The following DHCR24 variants were observed in gnomAD, a reference collection of about 807,000 sequenced individuals.
DHCR24 encodes delta(24)-sterol reductase.
Under a neutral mutation model 61.2 loss-of-function variants are expected in DHCR24, and 28 were observed. The observed-to-expected ratio is 0.46, with a 90% CI of 0.34 to 0.63. The LOEUF is 0.63. DHCR24 is among the 20% of genes least tolerant of loss of function. DHCR24 has a pLI of 0.01. For missense variants in DHCR24, 538 were observed against 679.1 expected, an observed-to-expected ratio of 0.79 and a Z score of 2.31; for synonymous variants, 261 against 275.9, an observed-to-expected ratio of 0.95 and a Z score of 0.54.
intron 2 of DHCR24, among the ~76,000 whole-genome samples, chr1:54,879,777 C>T (rs961865902): frequency 1.3e-5 from 2 of 151,888 alleles, no homozygotes; most frequent in African/African-American, 2.4e-5. Context: ...TCAAAGCAGA[C>T]ATCAAAAGGG....
chr1:54,871,133 C>T (rs564004066), intron 5 of DHCR24, among the ~76,000 whole-genome samples: 2 of 152,344 alleles, frequency 1.3e-5, no homozygotes, highest in South Asian at 4.1e-4. Context: ...GAGACAAGCA[C>T]ATCCCAGGCA....
chr1:54,866,352 CT>C (rs796435589), intron 5 of DHCR24, among the ~76,000 whole-genome samples: 354 of 143,996 alleles, frequency 2.5e-3, no homozygotes, highest in African/African-American at 2.5e-3. Context: ...ATAGGACCAT[CT>C]TTTTTTTTTT....
At chr1:54,886,373 G>C (rs1222533264) in intron 1 of DHCR24, among the ~76,000 whole-genome samples, 6 of 152,192 alleles carry the variant, frequency 3.9e-5, no homozygotes, top group Non-Finnish European at 5.9e-5. Context: ...GCGTCTTGCT[G>C]TACAAAATAA....
chr1:54,879,489 TGAAA>T (rs1246796961), intron 2 of DHCR24, among the ~76,000 whole-genome samples: 1 of 151,642 alleles, frequency 6.6e-6, no homozygotes, highest in South Asian at 2.1e-4. Context: ...CCAACCAAAA[TGAAA>T]GAGAGGAAAA....
chr1:54,854,772 G>T (rs1014835261), intron 6 of DHCR24, among the ~76,000 whole-genome samples: 3 of 152,162 alleles, frequency 2.0e-5, no homozygotes, highest in African/African-American at 7.2e-5. Context: ...GAGCCCACTG[G>T]TTTGCAGCAT....
chr1:54,859,049 G>A (rs1646922178), intron 6 of DHCR24, among the ~76,000 whole-genome samples: 2 of 152,186 alleles, frequency 1.3e-5, no homozygotes, highest in South Asian at 4.1e-4. Flanking sequence ...GATCTAATAA[G>A]GAGAATATGG....
chr1:54,864,299 C>A (rs892330874), intron 6 of DHCR24, among the ~76,000 whole-genome samples: 1 of 152,136 alleles, frequency 6.6e-6, no homozygotes, highest in African/African-American at 2.4e-5. Context: ...TTGAAACAAC[C>A]CACATGTCCA....
At chr1:54,855,395 A>T (rs1265305125) in intron 6 of DHCR24, among the ~76,000 whole-genome samples, 2 of 22,980 alleles carry the variant, frequency 8.7e-5, no homozygotes, top group African/African-American at 1.8e-4. Context: ...CTCCGTCTCC[A>T]AAAAAAAAAA....
intron 1 of DHCR24, among the ~76,000 whole-genome samples, chr1:54,886,273 C>G (rs1171720088): frequency 6.6e-6 from 1 of 152,166 alleles, no homozygotes; most frequent in African/African-American, 2.4e-5. Flanking sequence ...GTGAGCCCTC[C>G]GTCAGCAGAG....
At chr1:54,862,827 A>G (rs1646945974) in intron 6 of DHCR24, among the ~76,000 whole-genome samples, 1 of 152,140 alleles carries the variant, frequency 6.6e-6, no homozygotes. Context: ...CTGTAATACC[A>G]GCACTTTGGG....
intron 8 of DHCR24, among the ~76,000 whole-genome samples, chr1:54,852,935 T>C (rs143113859): frequency 7.2e-5 from 11 of 152,224 alleles, no homozygotes; most frequent in South Asian, 2.1e-4. Flanking sequence ...GAATTTTATA[T>C]GAAAGGAATC....
chr1:54,886,799 C>T, intron 1 of DHCR24, 90 bp downstream of exon 1: 3 of 1,550,214 alleles, frequency 1.9e-6, no homozygotes, highest in South Asian at 2.4e-5. Flanking sequence ...GCCGCCCCCG[C>T]ACCGCAGCTC....
chr1:54,854,164 G>T lies in DHCR24; in HGVS notation c.1091C>A (p.Ser364Tyr), dbSNP rs752896995. 1 of 1,614,142 alleles carries T rather than the reference G, an allele frequency of 6.2e-7. No homozygotes were observed. Among genetic ancestry groups the T allele is most frequent in the Admixed American group, 1.7e-5 (1 of 60,020 alleles). ...CTCACCCTGGGTCAGCTTCAGGAGG[G>T]AGATCTTGGGAGGCACCATCCAGCC... is the stretch of plus-strand genomic sequence containing the variant. ...LFGWMVPPKI[S>Y]LLKLTQGETL... The change falls in exon 7 of 9, where the codon TCC becomes TAC. Residue 364 changes from serine to tyrosine, a missense_variant. Transcript: ENST00000371269.
intron 3 of DHCR24, 21 bp from the exon 4 acceptor site, chr1:54,875,232 G>C (rs765448616): frequency 3.2e-5 from 51 of 1,610,396 alleles, no homozygotes; most frequent in Non-Finnish European, 4.2e-5. Flanking sequence ...ATCACACACA[G>C]TGTCAGCAGG....
rs756200011 is a variant in DHCR24 at position 54,871,522 on chromosome 1, T to C, written c.704A>G (p.Lys235Arg). ...VAAEIRIIPA[K>R]KYVKLRFEPV... ...CTCGAAACGCAGCTTGACGTACTTC[T>C]TGGCAGGGATGATGCGGATCTCAGC... The change falls in exon 5 of 9, where the codon AAG (lysine) becomes AGG (arginine). Residue 235 changes from lysine (K) to arginine (R), a missense_variant. Lys to Arg is a conservative substitution (Grantham distance 26, BLOSUM62 2). Transcript: ENST00000371269. 1.2e-6 allele frequency: 2 copies of C among 1,614,126 alleles called. No homozygotes were observed. Among genetic ancestry groups the C allele is most frequent in the East Asian group, 2.2e-5 (1 of 44,896 alleles).
chr1:54,860,349 C>G (rs530055790), intron 6 of DHCR24, among the ~76,000 whole-genome samples: 9 of 152,256 alleles, frequency 5.9e-5, no homozygotes, highest in Non-Finnish European at 1.2e-4. Flanking sequence ...TTAACAAAAC[C>G]CTCTCCATTC....
At chr1:54,876,180 GCT>G in intron 2 of DHCR24, 133 bp from the exon 3 acceptor site, 1 of 723,678 alleles carries the variant, frequency 1.4e-6, no homozygotes, top group Non-Finnish European at 2.5e-6. Flanking sequence ...GCCTTTACAG[GCT>G]CTTTCTAGAA....
At chr1:54,864,305 G>A (rs890144444) in intron 6 of DHCR24, among the ~76,000 whole-genome samples, 3 of 152,116 alleles carry the variant, frequency 2.0e-5, no homozygotes, top group African/African-American at 7.2e-5. Flanking sequence ...CAACCCACAT[G>A]TCCATCAACA....
intron 8 of DHCR24, among the ~76,000 whole-genome samples, chr1:54,853,096 G>C (rs969740073): frequency 3.3e-5 from 5 of 152,152 alleles, no homozygotes; most frequent in African/African-American, 1.2e-4. Context: ...ATCTGGAGCA[G>C]TTGCCCCTGG....
Sources: gnomAD v4.1 joint callset for allele counts (sites outside exome capture counted in the v4.1 genomes callset) on GRCh38, gnomAD v4.1.1 for gene constraint, MANE v1.5 for transcripts, NCBI Gene and HGNC (gene_info 2026-07-23, HGNC 2026-07-21) for gene names.